The following LUC7L variants were observed in gnomAD, a reference collection of about 807,000 sequenced individuals.
The protein encoded by LUC7L is putative RNA-binding protein Luc7-like 1.
LUC7L carries 29 observed loss-of-function variants against 51.1 expected under a neutral mutation model. That is an observed-to-expected ratio of 0.57 (90% CI 0.42 to 0.77). The LOEUF (loss-of-function observed/expected upper bound fraction) is 0.77. Ranked by LOEUF, LUC7L falls within the 30% of genes least tolerant of loss-of-function variation. The probability of loss-of-function intolerance (pLI) is 0.00; values close to 1 mark genes in which losing one functional copy is unlikely to be tolerated. For missense variants in LUC7L, 403 were observed against 511.9 expected (o/e 0.79, Z 2.05); for synonymous variants, 181 against 180.7 (o/e 1.00, Z -0.01).
intron 6 of LUC7L, among the ~76,000 whole-genome samples, chr16:198,091 GC>G (rs954714750): frequency 6.6e-6 from 1 of 151,520 alleles, no homozygotes; most frequent in Non-Finnish European, 1.5e-5. Flanking sequence ...ACACGATGAA[GC>G]CCCGTCTCTA....
At chr16:205,311 G>A (rs2049451382) in intron 5 of LUC7L, among the ~76,000 whole-genome samples, 1 of 152,118 alleles carries the variant, frequency 6.6e-6, no homozygotes, top group South Asian at 2.1e-4. Flanking sequence ...CACCATAGCT[G>A]GCCATATGCT....
intron 7 of LUC7L, among the ~76,000 whole-genome samples, chr16:192,214 T>C (rs931751526): frequency 6.6e-6 from 1 of 152,104 alleles, no homozygotes; most frequent in Non-Finnish European, 1.5e-5. Context: ...CCCGACTCCT[T>C]GCACCCCTTA....
At chr16:219,869 CAAA>C (rs35408573) in intron 3 of LUC7L, among the ~76,000 whole-genome samples, 1 of 115,458 alleles carries the variant, frequency 8.7e-6, no homozygotes, top group East Asian at 2.4e-4. Context: ...AACTCCGTCT[CAAA>C]AAAAAAAAAA....
At chr16:202,033 C>T (rs547550236) in intron 5 of LUC7L, among the ~76,000 whole-genome samples, 4 of 152,088 alleles carry the variant, frequency 2.6e-5, no homozygotes, top group African/African-American at 9.6e-5. Flanking sequence ...CATGAGCAAC[C>T]GTGCCCGGCC....
intron 5 of LUC7L, among the ~76,000 whole-genome samples, chr16:203,860 CAAAAA>C: frequency 6.6e-6 from 1 of 151,668 alleles, no homozygotes; most frequent in Admixed American, 6.6e-5. Context: ...ACTAAAAACA[CAAAAA>C]ATTAGCCAGG....
At chr16:210,637 G>T (rs896009984) in intron 3 of LUC7L, among the ~76,000 whole-genome samples, 1 of 152,118 alleles carries the variant, frequency 6.6e-6, no homozygotes, top group Non-Finnish European at 1.5e-5. Flanking sequence ...GGATTCACTC[G>T]AGGGGTCAAA....
intron 5 of LUC7L, among the ~76,000 whole-genome samples, chr16:200,406 C>T (rs1352210812): frequency 1.4e-5 from 2 of 142,274 alleles, no homozygotes; most frequent in Admixed American, 7.2e-5. Flanking sequence ...AGCGAGACTC[C>T]GTCTCAAAAG....
intron 6 of LUC7L, 39 bp from the exon 7 acceptor site, chr16:193,054 C>T (rs774889126): frequency 6.6e-7 from 1 of 1,526,434 alleles, no homozygotes; most frequent in African/African-American, 1.4e-5. Context: ...GAGCAAGTTA[C>T]ACAAACCAGA....
Position 201,801 on chromosome 16 carries a change from T to C in LUC7L, c.511-2563A>G, listed in dbSNP as rs533171751. Among the ~76,000 whole-genome samples the C allele has an allele frequency of 4.3e-4, 59 of 137,516 alleles. No homozygotes were observed. In the South Asian group the frequency reaches 0.012, roughly 28 times the overall value. 90.2% of individuals were successfully genotyped at this position (137,516 alleles called of 152,430 possible). A position where few individuals can be genotyped will look rare whatever the true frequency, so the allele number is the denominator to read the frequency against. ...CTCTGTCACCCATATTGGAGTGCAA[T>C]GGCACGATCTCTGTTCGCTGCAACC... On this transcript the variant is annotated intron_variant, in intron 5 of 9. Transcript: ENST00000293872.
chr16:191,076 C>T (rs561257845), intron 7 of LUC7L, among the ~76,000 whole-genome samples: 1 of 152,256 alleles, frequency 6.6e-6, no homozygotes, highest in Admixed American at 6.5e-5. Flanking sequence ...CACTCAGTGT[C>T]ACCTGAGCCT....
At chr16:212,018 G>A in intron 3 of LUC7L, among the ~76,000 whole-genome samples, 1 of 152,192 alleles carries the variant, frequency 6.6e-6, no homozygotes, top group South Asian at 2.1e-4. Flanking sequence ...GAGGGGCCGG[G>A]CGCGGTGGCT....
chr16:211,845 A>G lies in LUC7L; in HGVS notation c.256-3657T>C, dbSNP rs538528469. On this transcript the variant is annotated intron_variant, in intron 3 of 9. Coordinates refer to ENST00000293872, the MANE Select transcript of LUC7L (RefSeq NM_201412.3). Reference sequence around the variant, plus strand: ...GAGGAGGCTGTCCCTCCACACACGGACTGCCTGGTGCTGTTACCAGCTCTC... The same window carrying G: ...GAGGAGGCTGTCCCTCCACACACGGGCTGCCTGGTGCTGTTACCAGCTCTC... Among the ~76,000 whole-genome samples, 4 of 152,316 alleles carry G rather than the reference A, an allele frequency of 2.6e-5. No homozygotes were observed. In the South Asian group the frequency reaches 8.3e-4, roughly 32 times the overall value.
At position 190,118 on chromosome 16, in the gene LUC7L, C is replaced by T. The variant is rs746716871; in HGVS notation, c.824G>A (p.Arg275Gln). The T allele has an allele frequency of 9.3e-6, 15 of 1,611,442 alleles. No individual in the cohort carries two copies. The highest frequency in any genetic ancestry group is 4.0e-5 in the African/African-American group (3 of 74,872). Residue 275 changes from arginine (R) to glutamine (Q), a missense_variant, in exon 9 of 10, where the codon CGG becomes CAG. Transcript: ENST00000293872. Reference sequence around the variant, plus strand: ...GGTAGATCTTGACCGCCTCCGACGCCGATCCCGGGAGCGTGACCTGAACAA... The same window carrying T: ...GGTAGATCTTGACCGCCTCCGACGCTGATCCCGGGAGCGTGACCTGAACAA... ...RDRRRSRSRD[R>Q]RRRRSRSTSR... is the part of the protein sequence containing the mutation.
At chr16:201,170 GA>G (rs36033830) in intron 5 of LUC7L, among the ~76,000 whole-genome samples, 14 of 70,364 alleles carry the variant, frequency 2.0e-4, no homozygotes, top group East Asian at 1.9e-3. Context: ...CTCTGTCTGA[GA>G]AAAAAAAAAA....
At chr16:199,011 G>A (rs1567176220) in intron 6 of LUC7L, 51 bp downstream of exon 6, 1 of 1,497,704 alleles carries the variant, frequency 6.7e-7, no homozygotes. Context: ...TTAAAGAAAT[G>A]TGAAAACACC....
In LUC7L at chr16:203,013, T is replaced by G. The variant is rs1488643397; in HGVS notation, c.510+2991A>C. Among the ~76,000 whole-genome samples, 3 of 152,140 alleles carry G rather than the reference T, an allele frequency of 2.0e-5. No homozygotes were observed. In the East Asian group the frequency reaches 5.8e-4, roughly 29 times the overall value. On this transcript the variant is annotated intron_variant, in intron 5 of 9. Coordinates refer to ENST00000293872, the MANE Select transcript of LUC7L (RefSeq NM_201412.3). ...TAAAAATACAAAAATTAGCTGGGCA[T>G]GGTGGCAGGCACCTGTAATCTCAGC...
rs573627524 is a variant in LUC7L at position 227,074 on chromosome 16, G to A, written c.156+168C>T. Among the ~76,000 whole-genome samples the A allele has an allele frequency of 2.0e-5, 3 of 152,264 alleles. No homozygotes were observed. In the East Asian group the frequency reaches 5.8e-4, roughly 29 times the overall value. ...GGGCAACACAGAGTGACACTCCATC[G>A]CATGCATGCATGCAAACATACATAC... On this transcript the variant is annotated intron_variant, in intron 2 of 9. Coordinates refer to ENST00000293872, the MANE Select transcript of LUC7L (RefSeq NM_201412.3).
At chr16:190,168 C>G (rs753957056) in intron 8 of LUC7L, 33 bp from the exon 9 acceptor site, 4 of 1,579,318 alleles carry the variant, frequency 2.5e-6, no homozygotes, top group Non-Finnish European at 2.6e-6. Flanking sequence ...GGCTGAGACT[C>G]TATAGGTGCC....
At chr16:191,035 A>G (rs1186413353) in intron 7 of LUC7L, among the ~76,000 whole-genome samples, 1 of 152,016 alleles carries the variant, frequency 6.6e-6, no homozygotes, top group Non-Finnish European at 1.5e-5. Context: ...GGAAGTGCCA[A>G]TGCTCCCATC....
Sources: gnomAD v4.1 joint callset for allele counts (sites outside exome capture counted in the v4.1 genomes callset) on GRCh38, gnomAD v4.1.1 for gene constraint, MANE v1.5 for transcripts, NCBI Gene and HGNC (gene_info 2026-07-23, HGNC 2026-07-21) for gene names.